The following EDIL3 variants were observed in gnomAD, a reference collection of about 807,000 sequenced individuals.
EDIL3 encodes the protein EGF like and discoidin domains 3.
In EDIL3, 37 loss-of-function variants were observed where a neutral mutation model predicts 67.4. The observed-to-expected ratio is 0.55, with a 90% CI of 0.42 to 0.72. EDIL3 has a LOEUF of 0.72. EDIL3 is among the 30% of genes least tolerant of loss of function. The probability of loss-of-function intolerance (pLI) is 0.00; values close to 1 mark genes in which losing one functional copy is unlikely to be tolerated. For synonymous variants in EDIL3, 195 were observed against 196.3 expected, an observed-to-expected ratio of 0.99 and a Z score of 0.05; for missense variants, 527 against 586.3, an observed-to-expected ratio of 0.90 and a Z score of 1.04.
In EDIL3 at chr5:84,284,862, A is replaced by AT. The variant is rs918740305; in HGVS notation, c.68-30651dup. ...TCTATCCCATTACTTCTTAAAATGCATTTTTTTTATTTGTAGTTAAGTAAC... is the reference window on the plus strand; with the variant it reads ...TCTATCCCATTACTTCTTAAAATGCATTTTTTTTTATTTGTAGTTAAGTAAC... On this transcript the variant is annotated intron_variant, in intron 1 of 10. Transcript: ENST00000296591. Among the ~76,000 whole-genome samples, 37 of 152,066 alleles carry AT rather than the reference A, an allele frequency of 2.4e-4. 1 individual carries two copies. The highest frequency in any genetic ancestry group is 7.7e-4 in the East Asian group (4 of 5,176).
At chr5:84,166,597 T>A (rs1748708253) in intron 4 of EDIL3, among the ~76,000 whole-genome samples, 1 of 152,118 alleles carries the variant, frequency 6.6e-6, no homozygotes, top group African/African-American at 2.4e-5. Context: ...AAAAGATGCT[T>A]ACTCTCTAAA....
At chr5:84,210,665 C>T (rs1744100756) in intron 3 of EDIL3, among the ~76,000 whole-genome samples, 1 of 152,108 alleles carries the variant, frequency 6.6e-6, no homozygotes, top group Non-Finnish European at 1.5e-5. Context: ...TCTTAGAACA[C>T]ACAGAGTTAC....
At chr5:84,320,846 A>G (rs1021699954) in intron 1 of EDIL3, among the ~76,000 whole-genome samples, 2 of 152,196 alleles carry the variant, frequency 1.3e-5, no homozygotes, top group Non-Finnish European at 1.5e-5. Context: ...AAGGCAGTTT[A>G]TATATGCAAT....
At chr5:84,181,993 G>A (rs947376215) in intron 3 of EDIL3, among the ~76,000 whole-genome samples, 4 of 152,120 alleles carry the variant, frequency 2.6e-5, no homozygotes, top group African/African-American at 4.8e-5. Flanking sequence ...AAAGGAGTGA[G>A]TGTGTTCAGC....
chr5:84,037,988 G>GTTTTTTTT lies in EDIL3; in HGVS notation c.1137+22304_1137+22311dup, dbSNP rs67762520. On this transcript the variant is annotated intron_variant, in intron 9 of 10. Transcript: ENST00000296591. ...TTCTCTTTTCTTTTCTTTCTTTCTTGTTTTTTTTTTTTTTTTTTTTTTTGA... is the reference window on the plus strand; with the variant it reads ...TTCTCTTTTCTTTTCTTTCTTTCTTGTTTTTTTTTTTTTTTTTTTTTTTTTTTTTTTGA... Among the ~76,000 whole-genome samples, 520 of 99,636 alleles carry GTTTTTTTT rather than the reference G, an allele frequency of 5.2e-3. 27 individuals are homozygous for GTTTTTTTT. Among genetic ancestry groups the GTTTTTTTT allele is most frequent in the African/African-American group, 0.015 (324 of 22,142 alleles). 65.4% of individuals were successfully genotyped at this position (99,636 alleles called of 152,430 possible).
intron 6 of EDIL3, among the ~76,000 whole-genome samples, chr5:84,094,759 C>A (rs1256188104): frequency 2.0e-5 from 3 of 152,084 alleles, no homozygotes; most frequent in Non-Finnish European, 4.4e-5. Context: ...TCACTTAATT[C>A]CCTTTTGGGC....
intron 1 of EDIL3, among the ~76,000 whole-genome samples, chr5:84,363,405 G>A (rs1418407973): frequency 4.0e-5 from 6 of 149,786 alleles, no homozygotes; most frequent in East Asian, 2.0e-4. Context: ...AGCCGAGATC[G>A]CGCCACTGCA....
At chr5:84,161,764 C>T (rs978838623) in intron 4 of EDIL3, among the ~76,000 whole-genome samples, 1 of 152,096 alleles carries the variant, frequency 6.6e-6, no homozygotes, top group African/African-American at 2.4e-5. Context: ...AGTGGGACCT[C>T]ACCTAAAATT....
chr5:84,120,055 T>TA (rs907499912), intron 5 of EDIL3, among the ~76,000 whole-genome samples: 2 of 152,024 alleles, frequency 1.3e-5, no homozygotes, highest in African/African-American at 4.8e-5. Context: ...TTGAGATTTT[T>TA]AAAAAAAACT....
intron 1 of EDIL3, among the ~76,000 whole-genome samples, chr5:84,368,695 C>G (rs995489412): frequency 6.6e-6 from 1 of 151,514 alleles, no homozygotes; most frequent in South Asian, 2.1e-4. Flanking sequence ...AGGCAACCCA[C>G]GGAATGAGAA....
intron 1 of EDIL3, among the ~76,000 whole-genome samples, chr5:84,295,482 T>C (rs1746031426): frequency 1.3e-5 from 2 of 152,164 alleles, no homozygotes; most frequent in South Asian, 4.1e-4. Context: ...CTAAATTAAA[T>C]TATATTTAGA....
At chr5:83,981,338 A>G (rs1744967298) in intron 9 of EDIL3, among the ~76,000 whole-genome samples, 1 of 152,096 alleles carries the variant, frequency 6.6e-6, no homozygotes, top group Non-Finnish European at 1.5e-5. Context: ...ACATACTTGG[A>G]AATAAGTATG....
In EDIL3 at chr5:84,224,599, A is replaced by AT. The variant is rs199933108; in HGVS notation, c.226+5255dup. Reference sequence around the variant, plus strand: ...CAACTTTGTTAAAAGGTGTTATTTGATTTTACCTTTCAAAAATACATATCA... The same window carrying AT: ...CAACTTTGTTAAAAGGTGTTATTTGATTTTTACCTTTCAAAAATACATATCA... On this transcript the variant is annotated intron_variant, in intron 3 of 10. Transcript: ENST00000296591. 9.1e-3 allele frequency among the ~76,000 whole-genome samples: 1,382 copies of AT among 151,572 alleles called. 25 individuals carry two copies. The highest frequency in any genetic ancestry group is 0.031 in the African/African-American group (1,274 of 41,518).
chr5:83,991,466 C>T (rs1389031133), intron 9 of EDIL3, among the ~76,000 whole-genome samples: 2 of 152,150 alleles, frequency 1.3e-5, no homozygotes, highest in African/African-American at 4.8e-5. Flanking sequence ...TGTTTTCTTT[C>T]TATGATCACA....
chr5:84,119,212 G>GTTTT (rs66522256), intron 5 of EDIL3, among the ~76,000 whole-genome samples: 1,988 of 82,218 alleles, frequency 0.024, 86 homozygotes, highest in Non-Finnish European at 0.031. Context: ...CATGCATTTG[G>GTTTT]TTTTTTTTTT....
At chr5:84,124,041 C>G (rs1297920806) in intron 5 of EDIL3, among the ~76,000 whole-genome samples, 6 of 151,976 alleles carry the variant, frequency 3.9e-5, no homozygotes, top group Non-Finnish European at 8.8e-5. Flanking sequence ...TAACTTTCTC[C>G]CTAGAGAATT....
At chr5:83,984,770 C>G (rs1745030018) in intron 9 of EDIL3, among the ~76,000 whole-genome samples, 1 of 152,028 alleles carries the variant, frequency 6.6e-6, no homozygotes, top group Admixed American at 6.6e-5. Flanking sequence ...CACGGGATGT[C>G]GTCTGCTTCA....
At chr5:84,247,612 A>G (rs967550237) in intron 2 of EDIL3, among the ~76,000 whole-genome samples, 7 of 152,144 alleles carry the variant, frequency 4.6e-5, no homozygotes, top group African/African-American at 1.7e-4. Context: ...ACAATATAGG[A>G]GGGTAACACA....
At chr5:84,029,140 C>A (rs1745872558) in intron 9 of EDIL3, among the ~76,000 whole-genome samples, 1 of 152,042 alleles carries the variant, frequency 6.6e-6, no homozygotes, top group African/African-American at 2.4e-5. Flanking sequence ...GCCTGTAGTC[C>A]CAGCTACTCT....
Sources: allele counts gnomAD v4.1 joint callset (sites outside exome capture counted in the v4.1 genomes callset), GRCh38; gene constraint gnomAD v4.1.1; transcripts MANE v1.5; gene names NCBI Gene and HGNC (gene_info 2026-07-23, HGNC 2026-07-21).